The following PLEKHO2 variants were observed in gnomAD, a reference collection of about 807,000 sequenced individuals.
PLEKHO2 encodes pleckstrin homology domain containing O2, also known as pleckstrin homology domain-containing family O member 2.
PLEKHO2 carries 20 observed loss-of-function variants against 32.7 expected under a neutral mutation model. The ratio of observed to expected loss-of-function variants is 0.61; its 90% CI spans 0.43 to 0.89. The LOEUF (loss-of-function observed/expected upper bound fraction) is 0.89. Among genes scored for constraint, PLEKHO2 ranks in the 40% least tolerant of loss-of-function variants. PLEKHO2 has a pLI of 0.00. For synonymous variants in PLEKHO2, 247 were observed against 246.3 expected (o/e 1.00, Z -0.03); for missense variants, 568 against 621.2 (o/e 0.91, Z 0.91).
chr15:64,856,808 G>T (rs1396364717), intron 3 of PLEKHO2, among the ~76,000 whole-genome samples: 1 of 152,140 alleles, frequency 6.6e-6, no homozygotes, highest in Non-Finnish European at 1.5e-5. Context: ...TCAGTTGGTG[G>T]ACCTGGCCCA....
chr15:64,865,464 C>T lies in PLEKHO2; in HGVS notation c.1049C>T (p.Pro350Leu). ...QVSVNGMDDS[P>L]EPAKPSQAEG... Reference sequence around the variant, plus strand: ...TCAGTGAATGGCATGGATGACAGTCCTGAGCCTGCCAAGCCCTCTCAGGCT... The same window carrying T: ...TCAGTGAATGGCATGGATGACAGTCTTGAGCCTGCCAAGCCCTCTCAGGCT... Residue 350 changes from proline to leucine, a missense_variant, in exon 6 of 6, where the codon CCT becomes CTT. Pro to Leu is a moderately conservative substitution (Grantham distance 98). Coordinates refer to ENST00000323544, the MANE Select transcript of PLEKHO2 (RefSeq NM_025201.5). 1 of 1,614,046 alleles carries T rather than the reference C, an allele frequency of 6.2e-7. No homozygotes were observed. Among genetic ancestry groups the T allele is most frequent in the Non-Finnish European group, 8.5e-7 (1 of 1,180,002 alleles).
rs760902437 is a variant in PLEKHO2, at chr15:64,864,920, G to A, written c.505G>A (p.Gly169Ser). Residue 169 changes from glycine (G) to serine (S), a missense_variant, in exon 6 of 6, where the codon GGT (glycine) becomes AGT (serine). Coordinates refer to ENST00000323544, the MANE Select transcript of PLEKHO2 (RefSeq NM_025201.5). ...LKEVASAASDGLLRLDLDVPD... is the reference protein window; with the variant it reads ...LKEVASAASDSLLRLDLDVPD... ...CCAGGTGGCCAGTGCAGCTTCTGAC[G>A]GTCTTCTGCGCCTGGATCTTGATGT... The A allele has an allele frequency of 5.6e-6, 9 of 1,610,112 alleles. No individual in the cohort carries two copies. Among genetic ancestry groups the A allele is most frequent in the African/African-American group, 2.7e-5 (2 of 74,926 alleles).
chr15:64,846,281 G>A (rs539431933), intron 1 of PLEKHO2, among the ~76,000 whole-genome samples: 1 of 152,144 alleles, frequency 6.6e-6, no homozygotes, highest in East Asian at 1.9e-4. Context: ...TAATCGGCCA[G>A]CCTTCTACTT....
intron 2 of PLEKHO2, among the ~76,000 whole-genome samples, chr15:64,853,775 T>C (rs551498752): frequency 1.3e-5 from 2 of 152,260 alleles, no homozygotes; most frequent in African/African-American, 2.4e-5. Context: ...CTGCCCCTTA[T>C]ATTTGGGTCT....
chr15:64,854,560 T>C (rs1367606277), intron 2 of PLEKHO2, among the ~76,000 whole-genome samples: 1 of 152,238 alleles, frequency 6.6e-6, no homozygotes, highest in Admixed American at 6.5e-5. Flanking sequence ...TGCATTCTTC[T>C]TCTGGCTTTC....
At chr15:64,854,190 G>A (rs2084590652) in intron 2 of PLEKHO2, among the ~76,000 whole-genome samples, 2 of 152,352 alleles carry the variant, frequency 1.3e-5, no homozygotes, top group South Asian at 4.1e-4. Flanking sequence ...GTCAGGAGTG[G>A]TGGGCAGGAA....
At chr15:64,851,900 C>G (rs116297654) in intron 2 of PLEKHO2, among the ~76,000 whole-genome samples, 1,939 of 152,270 alleles carry the variant, frequency 0.013, 47 homozygotes, top group African/African-American at 0.045. Context: ...AAGGATTCTT[C>G]CCCGGGCAGT....
At chr15:64,847,805 G>T (rs1378687724) in intron 1 of PLEKHO2, among the ~76,000 whole-genome samples, 1 of 152,212 alleles carries the variant, frequency 6.6e-6, no homozygotes, top group Non-Finnish European at 1.5e-5. Context: ...TCCTTGCCTG[G>T]AGTGGGGAGG....
At chr15:64,858,765 A>G (rs1271089708) in intron 3 of PLEKHO2, among the ~76,000 whole-genome samples, 1 of 152,158 alleles carries the variant, frequency 6.6e-6, no homozygotes, top group Non-Finnish European at 1.5e-5. Flanking sequence ...AAAAATAAAA[A>G]ACTGTGGTAA....
chr15:64,846,691 G>A (rs888793114), intron 1 of PLEKHO2, among the ~76,000 whole-genome samples: 21 of 152,166 alleles, frequency 1.4e-4, no homozygotes, highest in African/African-American at 5.1e-4. Flanking sequence ...GAGACCCCAA[G>A]GTGGGACCCC....
In PLEKHO2 at chr15:64,865,123, A is replaced by C; in HGVS notation, c.708A>C (p.Ala236=). Residue 236 remains alanine, a synonymous_variant, in exon 6 of 6, where the codon GCA becomes GCC. Transcript: ENST00000323544. Reference sequence around the variant, plus strand: ...AGAGAGCCCCAACCCCTGTCTCAGCAAGCTCTGAGGTCTCCCCTGAGAGCC... The same window carrying C: ...AGAGAGCCCCAACCCCTGTCTCAGCCAGCTCTGAGGTCTCCCCTGAGAGCC... The part of the protein sequence containing the change: ...VGERAPTPVS[A]SSEVSPESQE... 2 of 1,614,052 alleles carry C rather than the reference A, an allele frequency of 1.2e-6. No homozygotes were observed. The highest frequency in any genetic ancestry group is 1.7e-6 in the Non-Finnish European group (2 of 1,179,978).
At chr15:64,852,359 T>A (rs2084575409) in intron 2 of PLEKHO2, among the ~76,000 whole-genome samples, 1 of 152,092 alleles carries the variant, frequency 6.6e-6, no homozygotes, top group Admixed American at 6.5e-5. Flanking sequence ...GAAGCAAAAA[T>A]GAGAAAAGAT....
At chr15:64,855,515 G>T (rs1369274301) in intron 3 of PLEKHO2, among the ~76,000 whole-genome samples, 1 of 152,198 alleles carries the variant, frequency 6.6e-6, no homozygotes, top group East Asian at 1.9e-4. Context: ...CTGGACTAAG[G>T]ACTAGGAGGC....
At chr15:64,842,373 T>G (rs1236088031) in intron 1 of PLEKHO2, among the ~76,000 whole-genome samples, 1 of 55,342 alleles carries the variant, frequency 1.8e-5, no homozygotes, top group Non-Finnish European at 3.4e-5. Context: ...GGTCGGATCC[T>G]GACTCTCTCT....
chr15:64,842,149 G>A, intron 1 of PLEKHO2, 121 bp downstream of exon 1: 1 of 979,386 alleles, frequency 1.0e-6, no homozygotes, highest in Non-Finnish European at 1.3e-6. Context: ...ACCTCAGGAA[G>A]AGCCTGGGCA....
chr15:64,864,230 G>A (rs541814532), intron 5 of PLEKHO2, among the ~76,000 whole-genome samples: 3 of 152,158 alleles, frequency 2.0e-5, no homozygotes, highest in Non-Finnish European at 2.9e-5. Context: ...CCTGGTGGGG[G>A]TGGGTAGCTG....
Position 64,865,783 on chromosome 15 carries a change from G to A in PLEKHO2, c.1368G>A (p.Gln456=), listed in dbSNP as rs1216347009. 6.2e-7 allele frequency: 1 copy of A among 1,614,122 alleles called. No homozygotes were observed. The highest frequency in any genetic ancestry group is 2.2e-5 in the East Asian group (1 of 44,878). ...TGGAGCAGCTGAGGCAGGCCACCCAGGTCCTGCAGGAAATGAGAGATTTGG... is the reference window on the plus strand; with the variant it reads ...TGGAGCAGCTGAGGCAGGCCACCCAAGTCCTGCAGGAAATGAGAGATTTGG... ...QAVEQLRQAT[Q]VLQEMRDLGE... is the part of the protein sequence containing the mutation. The change falls in exon 6 of 6, where the codon CAG becomes CAA. Residue 456 remains glutamine, a synonymous_variant. Transcript: ENST00000323544.
intron 2 of PLEKHO2, among the ~76,000 whole-genome samples, chr15:64,853,224 G>T (rs998257812): frequency 1.3e-5 from 2 of 151,636 alleles, no homozygotes; most frequent in Non-Finnish European, 2.9e-5. Context: ...CACCCTCTTA[G>T]GTGTAATGAT....
At position 64,861,486 on chromosome 15, in the gene PLEKHO2, G is replaced by T; in HGVS notation, c.394G>T (p.Asp132Tyr). 1.2e-6 allele frequency: 2 copies of T among 1,600,908 alleles called. No homozygotes were observed. The highest frequency in any genetic ancestry group is 1.7e-6 in the Non-Finnish European group (2 of 1,174,880). The change falls in exon 5 of 6, where the codon GAC becomes TAC. Residue 132 changes from aspartate to tyrosine, a missense_variant. Transcript: ENST00000323544. The part of the protein sequence containing the change: ...KNKAFDEVKV[D>Y]KSCALEHVTR... ...TTCCCCCTCCCTCCAGGTAAAGGTG[G>T]ACAAGAGCTGCGCCCTGGAGCATGT...
Sources: allele counts gnomAD v4.1 joint callset (sites outside exome capture counted in the v4.1 genomes callset), GRCh38; gene constraint gnomAD v4.1.1; transcripts MANE v1.5; gene names NCBI Gene and HGNC (gene_info 2026-07-23, HGNC 2026-07-21).